The following GTF2F2 variants were observed in gnomAD, a reference collection of about 807,000 sequenced individuals.
GTF2F2 encodes the protein ATP-dependent helicase GTF2F2.
GTF2F2 carries 23 observed loss-of-function variants against 42.2 expected under a neutral mutation model. That is an observed-to-expected ratio of 0.55 (90% CI 0.39 to 0.77). The LOEUF (loss-of-function observed/expected upper bound fraction) is 0.77. Among genes scored for constraint, GTF2F2 ranks in the 30% least tolerant of loss-of-function variants. GTF2F2 has a pLI of 0.00. For synonymous variants in GTF2F2, 105 were observed against 100.8 expected, an observed-to-expected ratio of 1.04 and a Z score of -0.25; for missense variants, 261 against 287.2, an observed-to-expected ratio of 0.91 and a Z score of 0.66.
intron 4 of GTF2F2, among the ~76,000 whole-genome samples, chr13:45,204,364 C>A (rs566912056): frequency 1.3e-5 from 2 of 152,112 alleles, no homozygotes; most frequent in Non-Finnish European, 2.9e-5. Flanking sequence ...TTGTCTTTTA[C>A]ATAGTAGGCA....
At chr13:45,200,216 A>T (rs1349356262) in intron 4 of GTF2F2, among the ~76,000 whole-genome samples, 1 of 152,192 alleles carries the variant, frequency 6.6e-6, no homozygotes, top group Non-Finnish European at 1.5e-5. Context: ...ATTAACAGAC[A>T]GGGAGGAGGG....
rs909412268 is a variant in GTF2F2 at position 45,221,604 on chromosome 13, A to G, written c.386+14099A>G. ...GACTGCACAGGCTCCCTCTTCATGA[A>G]GCTGGCCCTGCCTCCACTACTGCAG... On this transcript the variant is annotated intron_variant, in intron 5 of 7. Coordinates refer to ENST00000340473, the MANE Select transcript of GTF2F2 (RefSeq NM_004128.3). Among the ~76,000 whole-genome samples, 8 of 152,094 alleles carry G rather than the reference A, an allele frequency of 5.3e-5. No individual in the cohort carries two copies. The South Asian group carries it at 1.2e-3, about 24-fold the overall frequency.
At chr13:45,196,906 C>T (rs1220492496) in intron 4 of GTF2F2, among the ~76,000 whole-genome samples, 1 of 152,102 alleles carries the variant, frequency 6.6e-6, no homozygotes, top group East Asian at 1.9e-4. Flanking sequence ...CCTTACACTT[C>T]CTAGCTCACT....
intron 4 of GTF2F2, among the ~76,000 whole-genome samples, chr13:45,165,657 A>G (rs1302891849): frequency 6.6e-6 from 1 of 150,934 alleles, no homozygotes; most frequent in Non-Finnish European, 1.5e-5. Flanking sequence ...GAACTTCCAT[A>G]TACCTATCAT....
chr13:45,190,374 T>C (rs1280578112), intron 4 of GTF2F2, among the ~76,000 whole-genome samples: 1 of 152,256 alleles, frequency 6.6e-6, no homozygotes, highest in African/African-American at 2.4e-5. Flanking sequence ...TTTGGTATTC[T>C]GTATTCAACA....
chr13:45,268,949 A>G (rs1033202958), intron 7 of GTF2F2, among the ~76,000 whole-genome samples: 3 of 152,160 alleles, frequency 2.0e-5, no homozygotes, highest in Admixed American at 6.5e-5. Context: ...AATCTCTTAC[A>G]ACAGAGCTTC....
chr13:45,144,695 C>T (rs149307376), intron 2 of GTF2F2, among the ~76,000 whole-genome samples: 1,802 of 152,000 alleles, frequency 0.012, 29 homozygotes, highest in African/African-American at 0.037. Context: ...CCCGCCTCGG[C>T]CTCCCAAAGT....
chr13:45,128,612 G>A (rs1464382639), intron 1 of GTF2F2, among the ~76,000 whole-genome samples: 1 of 151,544 alleles, frequency 6.6e-6, no homozygotes, highest in Non-Finnish European at 1.5e-5. Flanking sequence ...TATTTTTTGA[G>A]AAAGAGTCTC....
At chr13:45,135,481 A>G (rs1269792640) in intron 1 of GTF2F2, among the ~76,000 whole-genome samples, 1 of 149,418 alleles carries the variant, frequency 6.7e-6, no homozygotes, top group Non-Finnish European at 1.5e-5. Flanking sequence ...GCTGGTCTTG[A>G]ACTCATGACC....
intron 4 of GTF2F2, among the ~76,000 whole-genome samples, chr13:45,180,651 T>C (rs1361471861): frequency 2.6e-5 from 4 of 152,116 alleles, no homozygotes; most frequent in Non-Finnish European, 4.4e-5. Context: ...ATGTTTATTA[T>C]ACTTCATGTC....
At chr13:45,223,308 T>C (rs564298160) in intron 5 of GTF2F2, among the ~76,000 whole-genome samples, 2 of 136,982 alleles carry the variant, frequency 1.5e-5, no homozygotes, top group South Asian at 4.8e-4. Context: ...TAATCCAAAA[T>C]GATGCAGTTG....
chr13:45,171,715 C>T (rs1871607612), intron 4 of GTF2F2, among the ~76,000 whole-genome samples: 1 of 152,166 alleles, frequency 6.6e-6, no homozygotes, highest in Non-Finnish European at 1.5e-5. Flanking sequence ...TTTAGATTTT[C>T]ATCATCTCAA....
chr13:45,193,722 TTGA>T, intron 4 of GTF2F2: 1 of 1,463,276 alleles, frequency 6.8e-7, no homozygotes, highest in Admixed American at 2.2e-5. Context: ...TGGGATGTCT[TTGA>T]TGCTGTGGTT....
intron 5 of GTF2F2, among the ~76,000 whole-genome samples, chr13:45,209,939 C>G (rs1806165314): frequency 6.6e-6 from 1 of 152,150 alleles, no homozygotes; most frequent in African/African-American, 2.4e-5. Context: ...ATCTTGTTGA[C>G]TGTTCCTTCA....
At chr13:45,124,267 A>G (rs1015223873) in intron 1 of GTF2F2, 5 of 271,062 alleles carry the variant, frequency 1.8e-5, no homozygotes, top group Admixed American at 4.2e-5. Flanking sequence ...TATTTTTAGT[A>G]GAGACGGGGT....
At chr13:45,201,918 CTAG>C (rs1873204788) in intron 4 of GTF2F2, among the ~76,000 whole-genome samples, 1 of 152,148 alleles carries the variant, frequency 6.6e-6, no homozygotes, top group African/African-American at 2.4e-5. Flanking sequence ...CCATGTCCTT[CTAG>C]TAATTGGTGG....
chr13:45,201,986 C>G (rs991185423), intron 4 of GTF2F2, among the ~76,000 whole-genome samples: 4 of 152,012 alleles, frequency 2.6e-5, no homozygotes, highest in Non-Finnish European at 5.9e-5. Context: ...CACAGACACA[C>G]AGAGGCCATT....
chr13:45,163,881 T>G (rs1192356407), intron 4 of GTF2F2, among the ~76,000 whole-genome samples: 1 of 152,168 alleles, frequency 6.6e-6, no homozygotes, highest in Non-Finnish European at 1.5e-5. Context: ...GGGCTGGATG[T>G]GGTGGCTCAC....
intron 5 of GTF2F2, among the ~76,000 whole-genome samples, chr13:45,238,312 T>C (rs961682256): frequency 6.6e-6 from 1 of 152,170 alleles, no homozygotes; most frequent in Non-Finnish European, 1.5e-5. Context: ...CCATTGGAGT[T>C]TAAGGTGATT....
Sources: allele counts gnomAD v4.1 joint callset (sites outside exome capture counted in the v4.1 genomes callset), GRCh38; gene constraint gnomAD v4.1.1; transcripts MANE v1.5; gene names NCBI Gene and HGNC (gene_info 2026-07-23, HGNC 2026-07-21).